The following CCDC126 variants were observed in gnomAD, a reference collection of about 807,000 sequenced individuals.
The protein encoded by CCDC126 is coiled-coil domain containing 126, also known as coiled-coil domain-containing protein 126.
Under a neutral mutation model 11.7 loss-of-function variants are expected in CCDC126, and 5 were observed. The observed-to-expected ratio is 0.43, with a 90% CI of 0.22 to 0.90. The LOEUF (loss-of-function observed/expected upper bound fraction) is 0.90. Among genes scored for constraint, CCDC126 ranks in the 40% least tolerant of loss-of-function variants. The pLI is 0.27. For missense variants in CCDC126, 150 were observed against 163.1 expected (o/e 0.92, Z 0.44); for synonymous variants, 60 against 61.9 (o/e 0.97, Z 0.14).
intron 3 of CCDC126, among the ~76,000 whole-genome samples, chr7:23,632,550 G>A (rs911973273): frequency 6.6e-6 from 1 of 152,182 alleles, no homozygotes; most frequent in Non-Finnish European, 1.5e-5. Context: ...GAAATATTCT[G>A]CGTCTTAACT....
At chr7:23,623,159 G>A (rs562829660) in intron 3 of CCDC126, among the ~76,000 whole-genome samples, 46 of 125,220 alleles carry the variant, frequency 3.7e-4, no homozygotes, top group African/African-American at 1.4e-3. Context: ...TTTTTTTTTG[G>A]TATTTTTAGT....
At chr7:23,632,220 A>G (rs547158952) in intron 3 of CCDC126, among the ~76,000 whole-genome samples, 187 of 152,048 alleles carry the variant, frequency 1.2e-3, no homozygotes, top group South Asian at 9.1e-3. Flanking sequence ...CAGCCTTCCA[A>G]GTAGCTTGGA....
intron 3 of CCDC126, among the ~76,000 whole-genome samples, chr7:23,638,976 T>A (rs979208308): frequency 1.3e-5 from 2 of 151,554 alleles, no homozygotes; most frequent in African/African-American, 4.8e-5. Context: ...ATTTATGATT[T>A]AGTCTTACTG....
intron 3 of CCDC126, among the ~76,000 whole-genome samples, chr7:23,638,727 T>TAAAAAAAAA (rs70954398): frequency 6.7e-5 from 6 of 89,660 alleles, no homozygotes; most frequent in East Asian, 3.0e-4. Flanking sequence ...AAAAAAAAAT[T>TAAAAAAAAA]AAAAAAAAAA....
At chr7:23,635,376 C>A (rs1396953615) in intron 3 of CCDC126, among the ~76,000 whole-genome samples, 1 of 152,166 alleles carries the variant, frequency 6.6e-6, no homozygotes, top group Non-Finnish European at 1.5e-5. Context: ...ACTGCTAGCA[C>A]CTTCAGTGAC....
chr7:23,620,264 G>T (rs1278103638), intron 3 of CCDC126, among the ~76,000 whole-genome samples: 1 of 152,146 alleles, frequency 6.6e-6, no homozygotes, highest in Non-Finnish European at 1.5e-5. Flanking sequence ...ACTTTTTAAT[G>T]ATCGCCATTC....
chr7:23,623,692 G>T (rs1216989625), intron 3 of CCDC126, among the ~76,000 whole-genome samples: 1 of 152,040 alleles, frequency 6.6e-6, no homozygotes, highest in East Asian at 1.9e-4. Context: ...TGTACAGTGT[G>T]GTGCATATAC....
At chr7:23,602,143 G>T (rs1452885527) in intron 2 of CCDC126, 1 of 152,176 alleles carries the variant, frequency 6.6e-6, no homozygotes, top group African/African-American at 2.4e-5. Context: ...GCTTGGAATA[G>T]CACTTTTCTC....
chr7:23,627,304 C>T (rs1254179342), intron 3 of CCDC126, among the ~76,000 whole-genome samples: 1 of 151,900 alleles, frequency 6.6e-6, no homozygotes, highest in African/African-American at 2.4e-5. Context: ...TCACTTGAGG[C>T]CAGGAGTTGA....
At position 23,598,002 on chromosome 7, in the gene CCDC126, C is replaced by T. The variant is rs1218278564; in HGVS notation, c.-195C>T. On this transcript the variant is annotated 5_prime_UTR_variant, in exon 2 of 4. Coordinates refer to ENST00000307471, the MANE Select transcript of CCDC126 (RefSeq NM_138771.4). ...TTCTACTTTGGGAGAGAGAGAAAGTCAGATGCCCCTTTTAAACTCCCTCTT... is the reference window on the plus strand; with the variant it reads ...TTCTACTTTGGGAGAGAGAGAAAGTTAGATGCCCCTTTTAAACTCCCTCTT... 3 of 152,260 alleles carry T rather than the reference C, an allele frequency of 2.0e-5. No individual in the cohort carries two copies. The highest frequency in any genetic ancestry group is 7.2e-5 in the African/African-American group (3 of 41,456). The allele number at this position is 152,260 out of a possible 1,614,324, so 9.4% of individuals were successfully genotyped here.
intron 3 of CCDC126, among the ~76,000 whole-genome samples, chr7:23,638,019 C>T (rs1202968491): frequency 3.0e-5 from 4 of 132,874 alleles, no homozygotes; most frequent in Non-Finnish European, 6.6e-5. Context: ...TGAGGAGCGC[C>T]TCTGCCCGGC....
At chr7:23,639,192 CTTTTT>C (rs1245503837) in intron 3 of CCDC126, among the ~76,000 whole-genome samples, 1 of 137,176 alleles carries the variant, frequency 7.3e-6, no homozygotes, top group Non-Finnish European at 1.6e-5. Flanking sequence ...TTTTTTATGT[CTTTTT>C]TTTTTTTTTT....
intron 3 of CCDC126, among the ~76,000 whole-genome samples, chr7:23,617,888 G>T (rs1447083200): frequency 1.3e-5 from 2 of 152,182 alleles, no homozygotes; most frequent in African/African-American, 4.8e-5. Context: ...CAGATACAGA[G>T]ATCTAACTAA....
chr7:23,615,913 T>G (rs1221141931), intron 3 of CCDC126, among the ~76,000 whole-genome samples: 8 of 152,164 alleles, frequency 5.3e-5, no homozygotes. Context: ...AAGTCTGAAA[T>G]ATGATGAGAA....
At position 23,643,194 on chromosome 7, in the gene CCDC126, A is replaced by G. The variant is rs1027962451; in HGVS notation, c.*79A>G. On this transcript the variant is annotated 3_prime_UTR_variant, in exon 4 of 4. Transcript: ENST00000307471. ...AGAAAAGCTTTATAATTGCTGGCTTAGGACAGAGCAATACTTTACAATAAA... is the reference window on the plus strand; with the variant it reads ...AGAAAAGCTTTATAATTGCTGGCTTGGGACAGAGCAATACTTTACAATAAA... The G allele has an allele frequency of 3.2e-6, 4 of 1,237,640 alleles. No homozygotes were observed. The African/African-American group carries it at 6.1e-5, about 19-fold the overall frequency. 76.7% of individuals were successfully genotyped at this position (1,237,640 alleles called of 1,614,324 possible). A position where few individuals can be genotyped will look rare whatever the true frequency, so the allele number is the denominator to read the frequency against.
chr7:23,636,072 G>T (rs1159706304), intron 3 of CCDC126, among the ~76,000 whole-genome samples: 1 of 152,080 alleles, frequency 6.6e-6, no homozygotes, highest in Non-Finnish European at 1.5e-5. Context: ...TGCTGTGTTG[G>T]CCGGGCTGGT....
intron 3 of CCDC126, among the ~76,000 whole-genome samples, chr7:23,613,005 T>G (rs1383958513): frequency 6.6e-6 from 1 of 152,108 alleles, no homozygotes; most frequent in African/African-American, 2.4e-5. Context: ...CTATTTCAGT[T>G]TTGTTTGTTT....
rs1047017017 is a variant in CCDC126, at chr7:23,597,429, C to T, written c.-407C>T. The T allele has an allele frequency of 2.6e-5, 4 of 152,404 alleles. No homozygotes were observed. Among genetic ancestry groups the T allele is most frequent in the African/African-American group, 7.2e-5 (3 of 41,476 alleles). The allele number at this position is 152,404 out of a possible 1,614,324, so 9.4% of individuals were successfully genotyped here. On this transcript the variant is annotated 5_prime_UTR_variant, in exon 1 of 4. Coordinates refer to ENST00000307471, the MANE Select transcript of CCDC126 (RefSeq NM_138771.4). The stretch of plus-strand genomic sequence containing the variant: ...CGAGGGACGAGCGGAGTAAAATCTC[C>T]ACAAGCTGGGAACAAACCTCGTCCC...
Position 23,611,559 on chromosome 7 carries a change from A to G in CCDC126, c.238+6A>G, listed in dbSNP as rs746864433. 8 of 1,572,372 alleles carry G rather than the reference A, an allele frequency of 5.1e-6. No homozygotes were observed. In the Middle Eastern group the frequency reaches 6.7e-4, roughly 132 times the overall value. Reference sequence around the variant, plus strand: ...TGCTTCTATGGCAGGATATGGTAAGATAACCGTAGAATATTTCTAGTTTCC... The same window carrying G: ...TGCTTCTATGGCAGGATATGGTAAGGTAACCGTAGAATATTTCTAGTTTCC... On this transcript the variant is annotated splice_donor_region_variant and intron_variant, in intron 3 of 3. Coordinates refer to ENST00000307471, the MANE Select transcript of CCDC126 (RefSeq NM_138771.4).
Sources: gnomAD v4.1 joint callset for allele counts (sites outside exome capture counted in the v4.1 genomes callset) on GRCh38, gnomAD v4.1.1 for gene constraint, MANE v1.5 for transcripts, NCBI Gene and HGNC (gene_info 2026-07-23, HGNC 2026-07-21) for gene names.